The following LRMDA variants were observed in gnomAD, a reference collection of about 807,000 sequenced individuals.
LRMDA encodes leucine-rich melanocyte differentiation-associated protein.
In LRMDA, 18 loss-of-function variants were observed where a neutral mutation model predicts 29.8. That is an observed-to-expected ratio of 0.60 (90% CI 0.42 to 0.90). The LOEUF (loss-of-function observed/expected upper bound fraction) is 0.90. LRMDA is among the 40% of genes least tolerant of loss of function. LRMDA has a pLI of 0.00. For missense variants in LRMDA, 273 were observed against 273.9 expected (o/e 1.00, Z 0.02); for synonymous variants, 125 against 109.4 (o/e 1.14, Z -0.89).
At chr10:76,261,516 A>G (rs1371538583) in intron 5 of LRMDA, among the ~76,000 whole-genome samples, 1 of 152,158 alleles carries the variant, frequency 6.6e-6, no homozygotes, top group Non-Finnish European at 1.5e-5. Context: ...TTGTTACAAA[A>G]TGAACAGTGA....
chr10:76,339,307 G>C (rs1841009074), intron 6 of LRMDA, among the ~76,000 whole-genome samples: 1 of 144,562 alleles, frequency 6.9e-6, no homozygotes, highest in South Asian at 2.2e-4. Flanking sequence ...GTAAGAAAAA[G>C]AACTATAGAC....
At chr10:75,487,407 G>C (rs1213624550) in intron 2 of LRMDA, among the ~76,000 whole-genome samples, 2 of 152,188 alleles carry the variant, frequency 1.3e-5, no homozygotes, top group Non-Finnish European at 2.9e-5. Context: ...AGCTCTCTGA[G>C]TGTAATAGTT....
At chr10:76,141,508 G>A in intron 5 of LRMDA, among the ~76,000 whole-genome samples, 1 of 152,100 alleles carries the variant, frequency 6.6e-6, no homozygotes, top group East Asian at 1.9e-4. Context: ...AGATATGTAT[G>A]TCAAGTTTGT....
At chr10:76,119,721 CA>C (rs1361182276) in intron 5 of LRMDA, among the ~76,000 whole-genome samples, 1 of 152,194 alleles carries the variant, frequency 6.6e-6, no homozygotes, top group Non-Finnish European at 1.5e-5. Context: ...AGGAAAGCAG[CA>C]CTCTGGAACT....
At chr10:76,080,371 A>C (rs1468549175) in intron 5 of LRMDA, among the ~76,000 whole-genome samples, 4 of 152,244 alleles carry the variant, frequency 2.6e-5, no homozygotes. Context: ...GGCCAAACTT[A>C]GGGATGGTCC....
At chr10:76,327,755 C>T (rs746251098) in intron 6 of LRMDA, among the ~76,000 whole-genome samples, 4 of 152,134 alleles carry the variant, frequency 2.6e-5, no homozygotes, top group Non-Finnish European at 4.4e-5. Context: ...GGGGTGAACA[C>T]ACTAAAGGGA....
chr10:75,487,083 A>C (rs1432498488), intron 2 of LRMDA, among the ~76,000 whole-genome samples: 2 of 152,168 alleles, frequency 1.3e-5, no homozygotes, highest in Admixed American at 1.3e-4. Context: ...TAAATTACCA[A>C]ATATTTAACA....
chr10:75,446,284 G>A (rs1844394777), intron 2 of LRMDA, among the ~76,000 whole-genome samples: 1 of 152,222 alleles, frequency 6.6e-6, no homozygotes, highest in African/African-American at 2.4e-5. Context: ...GCTAATTGCG[G>A]AAGTGTTGAG....
At chr10:76,036,179 A>G in intron 3 of LRMDA, 45 bp downstream of exon 3, 5 of 1,204,970 alleles carry the variant, frequency 4.1e-6, no homozygotes, top group Non-Finnish European at 4.4e-6. Flanking sequence ...ACCCAGCCCC[A>G]CAGTCGTCCC....
chr10:76,015,342 G>A (rs1241136890), intron 2 of LRMDA, among the ~76,000 whole-genome samples: 5 of 152,202 alleles, frequency 3.3e-5, no homozygotes. Context: ...TTCCCAGGGA[G>A]GATCCCTTTC....
chr10:75,457,979 G>C (rs1390547638), intron 2 of LRMDA, among the ~76,000 whole-genome samples: 1 of 152,184 alleles, frequency 6.6e-6, no homozygotes, highest in East Asian at 1.9e-4. Context: ...TTTCTGGCTG[G>C]AGGATGATCT....
chr10:75,868,677 C>T (rs930827710), intron 2 of LRMDA, among the ~76,000 whole-genome samples: 7 of 152,186 alleles, frequency 4.6e-5, no homozygotes, highest in African/African-American at 1.4e-4. Flanking sequence ...GAGCCTCTCC[C>T]GCTTGTTTAG....
chr10:75,860,756 C>T (rs1295802303), intron 2 of LRMDA, among the ~76,000 whole-genome samples: 1 of 152,140 alleles, frequency 6.6e-6, no homozygotes, highest in African/African-American at 2.4e-5. Context: ...GGGTGTCCAT[C>T]AGAAGATACA....
At chr10:75,793,491 G>C (rs1843602540) in intron 2 of LRMDA, among the ~76,000 whole-genome samples, 1 of 152,184 alleles carries the variant, frequency 6.6e-6, no homozygotes, top group African/African-American at 2.4e-5. Context: ...TTGATTCTCA[G>C]TTTAATTGTG....
intron 2 of LRMDA, among the ~76,000 whole-genome samples, chr10:75,500,027 T>G (rs1845093533): frequency 6.6e-6 from 1 of 152,196 alleles, no homozygotes; most frequent in South Asian, 2.1e-4. Flanking sequence ...AAATCAGTGT[T>G]TTCTACACTT....
At chr10:76,052,940 C>T (rs1420957877) in intron 4 of LRMDA, among the ~76,000 whole-genome samples, 4 of 152,168 alleles carry the variant, frequency 2.6e-5, no homozygotes, top group Non-Finnish European at 5.9e-5. Flanking sequence ...GAACTTAGAC[C>T]GATCTCTTTT....
chr10:76,336,336 G>A (rs1478197039), intron 6 of LRMDA, among the ~76,000 whole-genome samples: 3 of 152,188 alleles, frequency 2.0e-5, no homozygotes, highest in African/African-American at 2.4e-5. Flanking sequence ...CATGCTGGAC[G>A]GAGCATAACT....
At chr10:75,717,891 C>T (rs961796835) in intron 2 of LRMDA, among the ~76,000 whole-genome samples, 2 of 152,100 alleles carry the variant, frequency 1.3e-5, no homozygotes, top group African/African-American at 4.8e-5. Flanking sequence ...ATCGCACCAA[C>T]ATTTGCCCTA....
intron 6 of LRMDA, among the ~76,000 whole-genome samples, chr10:76,330,585 G>A (rs1053147627): frequency 6.6e-6 from 1 of 152,148 alleles, no homozygotes; most frequent in African/African-American, 2.4e-5. Context: ...AGGAATTCTG[G>A]TTTCTATAAC....
Sources: allele counts gnomAD v4.1 joint callset (sites outside exome capture counted in the v4.1 genomes callset), GRCh38; gene constraint gnomAD v4.1.1; transcripts MANE v1.5; gene names NCBI Gene and HGNC (gene_info 2026-07-23, HGNC 2026-07-21).